The following SOX13 variants were observed in gnomAD, a reference collection of about 807,000 sequenced individuals.
SOX13 encodes the protein SRY-box transcription factor 13.
Under a neutral mutation model 71.8 loss-of-function variants are expected in SOX13, and 28 were observed. The ratio of observed to expected loss-of-function variants is 0.39; its 90% CI spans 0.29 to 0.53. The LOEUF (loss-of-function observed/expected upper bound fraction) is 0.53, where lower values mean the gene tolerates loss of function less well. SOX13 is among the 20% of genes least tolerant of loss of function. The probability of loss-of-function intolerance (pLI) is 0.70; values close to 1 mark genes in which losing one functional copy is unlikely to be tolerated. For missense variants in SOX13, 627 were observed against 810.3 expected, an observed-to-expected ratio of 0.77 and a Z score of 2.75; for synonymous variants, 309 against 317.8, an observed-to-expected ratio of 0.97 and a Z score of 0.29.
intron 1 of SOX13, among the ~76,000 whole-genome samples, chr1:204,079,279 C>G (rs1040906083): frequency 2.0e-5 from 3 of 146,872 alleles, no homozygotes; most frequent in African/African-American, 7.5e-5. Context: ...GACTCCGTCT[C>G]AAAAAACAAA....
chr1:204,114,403 A>G lies in SOX13; in HGVS notation c.302A>G (p.Lys101Arg), dbSNP rs533998581. Residue 101 changes from lysine to arginine, a missense_variant, in exon 3 of 14, where the codon AAG becomes AGG. By Grantham distance (26) the Lys-to-Arg change is conservative (BLOSUM62 2). This residue lies in a region of SOX13 where 447 missense variants were observed against 532.2 expected (regional missense o/e 0.84). Coordinates refer to ENST00000367204, the MANE Select transcript of SOX13 (RefSeq NM_005686.3). ...GAGGCTGCCTCTGGAAGCCAGGAGAAGCTGGACTTCAACCGAAATTTGAAA... is the reference window on the plus strand; with the variant it reads ...GAGGCTGCCTCTGGAAGCCAGGAGAGGCTGGACTTCAACCGAAATTTGAAA... ...VSEAASGSQE[K>R]LDFNRNLKEV... The G allele has an allele frequency of 4.6e-5, 75 of 1,613,116 alleles. No individual in the cohort carries two copies. Among genetic ancestry groups the G allele is most frequent in the Non-Finnish European group, 5.7e-5 (67 of 1,179,476 alleles).
At chr1:204,116,050 T>C (rs192043837) in intron 4 of SOX13, 1 of 627,244 alleles carries the variant, frequency 1.6e-6, no homozygotes, top group Non-Finnish European at 2.3e-6. Flanking sequence ...AACCCTAAAG[T>C]GCAGAGAAAT....
chr1:204,089,643 A>G (rs1422923544), intron 1 of SOX13, among the ~76,000 whole-genome samples: 1 of 152,134 alleles, frequency 6.6e-6, no homozygotes, highest in Non-Finnish European at 1.5e-5. Flanking sequence ...GTGGAATTTC[A>G]CTTGGCGGCT....
Position 204,127,094 on chromosome 1 carries a change from T to A in SOX13, c.*960T>A, listed in dbSNP as rs1656936484. 6.5e-6 allele frequency: 1 copy of A among 152,898 alleles called. No homozygotes were observed. The highest frequency in any genetic ancestry group is 6.5e-5 in the Admixed American group (1 of 15,294). The allele number at this position is 152,898 out of a possible 1,614,324, so 9.5% of individuals were successfully genotyped here. Reference sequence around the variant, plus strand: ...GTTCCCACGGAGCCATTTTTAGCTCTGATCAGCATGGGAATGTGCCTCGGC... The same window carrying A: ...GTTCCCACGGAGCCATTTTTAGCTCAGATCAGCATGGGAATGTGCCTCGGC... On this transcript the variant is annotated 3_prime_UTR_variant, in exon 14 of 14. Coordinates refer to ENST00000367204, the MANE Select transcript of SOX13 (RefSeq NM_005686.3).
Position 204,123,051 on chromosome 1 carries a change from G to A in SOX13, c.1135-61G>A. 1.3e-6 allele frequency: 2 copies of A among 1,522,850 alleles called. No homozygotes were observed. The highest frequency in any genetic ancestry group is 1.1e-5 in the South Asian group (1 of 88,434). The allele number at this position is 1,522,850 out of a possible 1,614,324, so 94.3% of individuals were successfully genotyped here. A position where few individuals can be genotyped will look rare whatever the true frequency, so the allele number is the denominator to read the frequency against. On this transcript the variant is annotated intron_variant, in intron 10 of 13. Coordinates refer to ENST00000367204, the MANE Select transcript of SOX13 (RefSeq NM_005686.3). The surrounding 1 kb of genome is among the most constrained non-coding windows in gnomAD (Gnocchi z 5.0). ...ACAGTCTGAGGCCACCAAGAGAGGA[G>A]CATGGGGAGGAGTGGGGTGATGCAG...
chr1:204,113,948 G>A (rs1324313543), intron 2 of SOX13, among the ~76,000 whole-genome samples: 1 of 152,172 alleles, frequency 6.6e-6, no homozygotes, highest in African/African-American at 2.4e-5. Context: ...GCCCCTGATT[G>A]TAATGGCAAA....
chr1:204,088,450 T>G (rs1297344537), intron 1 of SOX13, among the ~76,000 whole-genome samples: 1 of 152,204 alleles, frequency 6.6e-6, no homozygotes, highest in African/African-American at 2.4e-5. Context: ...TTGTCCATAT[T>G]TACATGGCAT....
chr1:204,115,661 T>TC (rs1656677493), intron 4 of SOX13, among the ~76,000 whole-genome samples: 1 of 122,098 alleles, frequency 8.2e-6, no homozygotes, highest in Admixed American at 8.3e-5. Flanking sequence ...CTTCTTCTTT[T>TC]TTTTTTTTTT....
rs761506703 is a variant in SOX13 at position 204,121,991 on chromosome 1, G to A, written c.861+6G>A. The A allele has an allele frequency of 2.1e-5, 34 of 1,591,188 alleles. No homozygotes were observed. The highest frequency in any genetic ancestry group is 2.1e-4 in the South Asian group (19 of 90,172). On this transcript the variant is annotated splice_donor_region_variant and intron_variant, in intron 8 of 13. Transcript: ENST00000367204. ...CCACCCACCACCCCCTGCAGGTACC[G>A]CCCTCTACCCACTGGCCTGGGGCTC...
rs1656585599 is a variant in SOX13, at chr1:204,111,841, G to A, written c.-1-1074G>A. Among the ~76,000 whole-genome samples the A allele has an allele frequency of 3.3e-5, 5 of 151,836 alleles. No homozygotes were observed. The South Asian group carries it at 8.3e-4, about 25-fold the overall frequency. On this transcript the variant is annotated intron_variant, in intron 1 of 13. Transcript: ENST00000367204. ...ATTACAGGCATGAACCACCATACCC[G>A]GCTATTTCCCCCCGTGTGATAGATG...
In SOX13 at chr1:204,116,564, T is replaced by C; in HGVS notation, c.476T>C (p.Leu159Pro). The change falls in exon 5 of 14, where the codon CTG (leucine) becomes CCG (proline). Residue 159 changes from leucine to proline, a missense_variant. Leu to Pro is a moderately conservative substitution (Grantham distance 98). Coordinates refer to ENST00000367204, the MANE Select transcript of SOX13 (RefSeq NM_005686.3). Reference protein sequence around the residue: ...ELQLLVMIHQLSTLRDQLLTA... With the variant: ...ELQLLVMIHQPSTLRDQLLTA... Reference sequence around the variant, plus strand: ...CAGCTTCTGGTCATGATTCACCAGCTGTCCACCCTGCGGGACCAGCTCCTG... The same window carrying C: ...CAGCTTCTGGTCATGATTCACCAGCCGTCCACCCTGCGGGACCAGCTCCTG... 1.2e-6 allele frequency: 2 copies of C among 1,614,052 alleles called. No individual in the cohort carries two copies. Among genetic ancestry groups the C allele is most frequent in the Non-Finnish European group, 1.7e-6 (2 of 1,179,896 alleles).
At chr1:204,119,403 C>G (rs1656757732) in intron 7 of SOX13, 2 of 152,166 alleles carry the variant, frequency 1.3e-5, no homozygotes, top group Admixed American at 6.5e-5. Context: ...GATGGCGTCT[C>G]TCACTGTGTC....
chr1:204,081,911 T>G lies in SOX13; in HGVS notation c.-2+8200T>G, dbSNP rs1571564386. 6.7e-6 allele frequency among the ~76,000 whole-genome samples: 1 copy of G among 149,260 alleles called. No homozygotes were observed. The highest frequency in any genetic ancestry group is 1.5e-5 in the Non-Finnish European group (1 of 67,232). On this transcript the variant is annotated intron_variant, in intron 1 of 13. Transcript: ENST00000367204. This position sits in a 1 kb window ranked among gnomAD's most constrained non-coding sequence, Gnocchi z 4.3. ...GGGAATAAAATGTAGTGGGGAGGGGTGGAAGGAAGCCTGTGTGCAGGTACA... is the reference window on the plus strand; with the variant it reads ...GGGAATAAAATGTAGTGGGGAGGGGGGGAAGGAAGCCTGTGTGCAGGTACA...
chr1:204,076,329 TG>T (rs1655785048), intron 1 of SOX13, among the ~76,000 whole-genome samples: 1 of 152,104 alleles, frequency 6.6e-6, no homozygotes, highest in Non-Finnish European at 1.5e-5. Flanking sequence ...GTCAGGTGTC[TG>T]GGGCCCAGGG....
At position 204,076,917 on chromosome 1, in the gene SOX13, G is replaced by A. The variant is rs190626940; in HGVS notation, c.-2+3206G>A. 2.1e-3 allele frequency among the ~76,000 whole-genome samples: 322 copies of A among 152,346 alleles called. 3 individuals carry two copies. The highest frequency in any genetic ancestry group is 7.6e-3 in the African/African-American group (317 of 41,584). ...AGGCAGCGTGCCTGCCTTCAAAGAG[G>A]CTTCTTTCTATTGTGGGGAGACAGA... is the stretch of plus-strand genomic sequence containing the variant. On this transcript the variant is annotated intron_variant, in intron 1 of 13. Transcript: ENST00000367204.
intron 1 of SOX13, among the ~76,000 whole-genome samples, chr1:204,101,033 T>C (rs184235470): frequency 6.6e-6 from 1 of 152,354 alleles, no homozygotes; most frequent in East Asian, 1.9e-4. Flanking sequence ...TATATATTTT[T>C]TCTGGAGTGT....
chr1:204,082,800 G>A (rs1655936176), intron 1 of SOX13, among the ~76,000 whole-genome samples: 1 of 152,218 alleles, frequency 6.6e-6, no homozygotes, highest in African/African-American at 2.4e-5. Context: ...GTAGAGGTGG[G>A]TAGCAAGAGG....
chr1:204,076,714 G>C (rs898815426), intron 1 of SOX13, among the ~76,000 whole-genome samples: 1 of 152,206 alleles, frequency 6.6e-6, no homozygotes, highest in African/African-American at 2.4e-5. Flanking sequence ...CCCCAGGCAT[G>C]GGGGAGGATG....
chr1:204,112,596 G>A (rs566990870), intron 1 of SOX13, among the ~76,000 whole-genome samples: 7 of 151,814 alleles, frequency 4.6e-5, no homozygotes, highest in African/African-American at 7.3e-5. Flanking sequence ...ATCTGGCCTC[G>A]TTAGTTGGGC....
Sources: allele counts gnomAD v4.1 joint callset (sites outside exome capture counted in the v4.1 genomes callset), GRCh38; gene constraint gnomAD v4.1.1; regional missense constraint gnomAD v4.1.1; non-coding constraint Gnocchi (gnomAD v3.1); transcripts MANE v1.5; gene names NCBI Gene and HGNC (gene_info 2026-07-23, HGNC 2026-07-21).